Variants in ITGA9 observed in about 807,000 individuals in gnomAD.
ITGA9 encodes the protein integrin subunit alpha 9, also known as integrin alpha-9.
In ITGA9, 56 loss-of-function variants were observed where a neutral mutation model predicts 127.8. The observed-to-expected ratio is 0.44, with a 90% CI of 0.35 to 0.55. The LOEUF is 0.55. Ranked by LOEUF, ITGA9 falls within the 20% of genes least tolerant of loss-of-function variation. The pLI, the probability that ITGA9 is intolerant of heterozygous loss-of-function variation, is 0.00. For synonymous variants in ITGA9, 508 were observed against 514.5 expected (o/e 0.99, Z 0.17); for missense variants, 1,196 against 1,347.1 (o/e 0.89, Z 1.76).
At chr3:37,802,231 A>G (rs532568311) in intron 26 of ITGA9, among the ~76,000 whole-genome samples, 1 of 146,162 alleles carries the variant, frequency 6.8e-6, no homozygotes, top group African/African-American at 2.7e-5. Context: ...TGCAAAAAAA[A>G]GCATAAACTG....
intron 23 of ITGA9, among the ~76,000 whole-genome samples, chr3:37,762,869 T>A (rs1459536997): frequency 6.6e-6 from 1 of 152,226 alleles, no homozygotes; most frequent in Non-Finnish European, 1.5e-5. Flanking sequence ...CCAGGCCTGC[T>A]GAGTCAGAGC....
intron 15 of ITGA9, among the ~76,000 whole-genome samples, chr3:37,569,129 C>T (rs147887414): frequency 0.027 from 4,131 of 152,278 alleles, 89 homozygotes; most frequent in Middle Eastern, 0.065. Flanking sequence ...ACTCACAGTT[C>T]CATGTGGCTG....
At position 37,519,241 on chromosome 3, in the gene ITGA9, G is replaced by A; in HGVS notation, c.1142-19G>A. On this transcript the variant is annotated intron_variant, in intron 10 of 27. Coordinates refer to ENST00000264741, the MANE Select transcript of ITGA9 (RefSeq NM_002207.3). Reference sequence around the variant, plus strand: ...TATTAATGTGGCTTTTTAACCCATAGCTGTTTTTTTACCCTCAGATGTGGC... The same window carrying A: ...TATTAATGTGGCTTTTTAACCCATAACTGTTTTTTTACCCTCAGATGTGGC... 1 of 1,599,154 alleles carries A rather than the reference G, an allele frequency of 6.3e-7. No homozygotes were observed. Among genetic ancestry groups the A allele is most frequent in the South Asian group, 1.1e-5 (1 of 90,562 alleles).
At chr3:37,510,371 C>A (rs1266744563) in intron 8 of ITGA9, among the ~76,000 whole-genome samples, 2 of 152,140 alleles carry the variant, frequency 1.3e-5, no homozygotes, top group Non-Finnish European at 2.9e-5. Flanking sequence ...TGTGCCCCCC[C>A]AAACTGCTTT....
chr3:37,594,389 C>T (rs1575161201), intron 15 of ITGA9, among the ~76,000 whole-genome samples: 1 of 152,336 alleles, frequency 6.6e-6, no homozygotes, highest in East Asian at 1.9e-4. Context: ...TCCTCTGCCT[C>T]TTCCTTTCCT....
intron 18 of ITGA9, among the ~76,000 whole-genome samples, chr3:37,689,363 C>T (rs370067939): frequency 6.6e-5 from 10 of 152,322 alleles, no homozygotes; most frequent in African/African-American, 2.4e-4. Context: ...ATAAAGCTAA[C>T]TTGAAAACAC....
intron 18 of ITGA9, among the ~76,000 whole-genome samples, chr3:37,711,031 C>T (rs1254373787): frequency 6.6e-6 from 1 of 152,164 alleles, no homozygotes; most frequent in Admixed American, 6.5e-5. Context: ...CTCGAGGTCT[C>T]TTATGAGACT....
At chr3:37,493,811 CA>C (rs1172059441) in intron 4 of ITGA9, among the ~76,000 whole-genome samples, 10 of 152,156 alleles carry the variant, frequency 6.6e-5, no homozygotes, top group African/African-American at 2.2e-4. Context: ...AAGCACTTGT[CA>C]AAAGTTTCCT....
intron 5 of ITGA9, among the ~76,000 whole-genome samples, chr3:37,501,439 A>G (rs991000373): frequency 4.6e-5 from 7 of 152,236 alleles, no homozygotes; most frequent in Admixed American, 4.6e-4. Context: ...TAATTAAAAA[A>G]ATTAATACAT....
At chr3:37,515,147 TA>T (rs1334223117) in intron 9 of ITGA9, among the ~76,000 whole-genome samples, 1 of 152,194 alleles carries the variant, frequency 6.6e-6, no homozygotes, top group African/African-American at 2.4e-5. Flanking sequence ...CTTATGGAGA[TA>T]ATCAGTGGAA....
At chr3:37,637,241 G>A (rs1321293567) in intron 16 of ITGA9, among the ~76,000 whole-genome samples, 1 of 152,094 alleles carries the variant, frequency 6.6e-6, no homozygotes, top group African/African-American at 2.4e-5. Context: ...CCATTTTCAC[G>A]ATATTGATTC....
intron 23 of ITGA9, among the ~76,000 whole-genome samples, chr3:37,772,948 G>A (rs567447544): frequency 6.6e-5 from 10 of 152,240 alleles, no homozygotes; most frequent in Admixed American, 3.9e-4. Flanking sequence ...AACTCCCGGC[G>A]GGAGACAGAA....
At chr3:37,583,526 T>C (rs1699729570) in intron 15 of ITGA9, among the ~76,000 whole-genome samples, 1 of 152,204 alleles carries the variant, frequency 6.6e-6, no homozygotes, top group South Asian at 2.1e-4. Context: ...CTGTCAGATC[T>C]CAGTTCCAGA....
chr3:37,663,952 G>A (rs1027202184), intron 17 of ITGA9, among the ~76,000 whole-genome samples: 1 of 152,224 alleles, frequency 6.6e-6, no homozygotes, highest in Non-Finnish European at 1.5e-5. Flanking sequence ...GAAACACTCA[G>A]TAGTGAAAAC....
chr3:37,796,045 A>G (rs1697168556), intron 26 of ITGA9, among the ~76,000 whole-genome samples: 1 of 152,158 alleles, frequency 6.6e-6, no homozygotes, highest in African/African-American at 2.4e-5. Context: ...CATATCATGA[A>G]CATCTTCCCG....
intron 15 of ITGA9, among the ~76,000 whole-genome samples, chr3:37,593,566 G>A (rs1004780662): frequency 6.6e-6 from 1 of 152,238 alleles, no homozygotes. Flanking sequence ...CAGGGAGAGA[G>A]AGGGAGAAAG....
At chr3:37,549,411 GC>G (rs1699359026) in intron 15 of ITGA9, among the ~76,000 whole-genome samples, 1 of 152,194 alleles carries the variant, frequency 6.6e-6, no homozygotes, top group Non-Finnish European at 1.5e-5. Context: ...TATGGTCACA[GC>G]ATTGACACTT....
intron 8 of ITGA9, among the ~76,000 whole-genome samples, chr3:37,510,481 C>T (rs372457919): frequency 1.3e-5 from 2 of 152,210 alleles, no homozygotes; most frequent in East Asian, 3.9e-4. Context: ...GCCCTCTCTC[C>T]TCCTTGAAAA....
Position 37,452,434 on chromosome 3 carries a change from G to A in ITGA9, c.60G>A (p.Leu20=). ...AGRLRALLLA[L]VVAGIPAGAY... ...GGCTCCGCGCGCTGCTGCTGGCGCT[G>A]GTGGTCGCGGGGATCCCCGCGGGCG... The change falls in exon 1 of 28, where the codon CTG becomes CTA. Residue 20 remains leucine (L), a synonymous_variant. Transcript: ENST00000264741. This position sits in a 1 kb window ranked among gnomAD's most constrained non-coding sequence, Gnocchi z 7.3. The A allele has an allele frequency of 1.4e-6, 2 of 1,470,006 alleles. No homozygotes were observed. The highest frequency in any genetic ancestry group is 1.8e-6 in the Non-Finnish European group (2 of 1,109,076). 91.1% of individuals were successfully genotyped at this position (1,470,006 alleles called of 1,614,324 possible). A position where few individuals can be genotyped will look rare whatever the true frequency, so the allele number is the denominator to read the frequency against.
Sources: allele counts gnomAD v4.1 joint callset (sites outside exome capture counted in the v4.1 genomes callset), GRCh38; gene constraint gnomAD v4.1.1; non-coding constraint Gnocchi (gnomAD v3.1); transcripts MANE v1.5; gene names NCBI Gene and HGNC (gene_info 2026-07-23, HGNC 2026-07-21).